CNTN4: variants seen among roughly 807,000 people sequenced by gnomAD.
CNTN4 encodes the protein contactin-4.
A neutral mutation model predicts 122.5 loss-of-function variants in CNTN4; 77 were observed. The observed-to-expected ratio is 0.63, with a 90% confidence interval of 0.52 to 0.76. CNTN4 has a LOEUF of 0.76. CNTN4 is among the 30% of genes least tolerant of loss of function. CNTN4 has a pLI of 0.00. For synonymous variants in CNTN4, 512 were observed against 447.0 expected (o/e 1.15, Z -1.83); for missense variants, 1,256 against 1,259.1 (o/e 1.00, Z 0.04).
At chr3:2,631,398 A>G (rs2082422200) in intron 4 of CNTN4, among the ~76,000 whole-genome samples, 1 of 152,152 alleles carries the variant, frequency 6.6e-6, no homozygotes, top group Admixed American at 6.5e-5. Context: ...AGAAGAAGAA[A>G]GCAAATTTGA....
At chr3:3,038,824 G>T in intron 18 of CNTN4, 109 bp from the exon 19 acceptor site, 1 of 799,708 alleles carries the variant, frequency 1.3e-6, no homozygotes, top group Non-Finnish European at 2.2e-6. Flanking sequence ...AGACAAAGGG[G>T]CGTGCCTCAG....
chr3:2,569,760 T>G (rs2079337703), intron 3 of CNTN4, among the ~76,000 whole-genome samples: 1 of 152,062 alleles, frequency 6.6e-6, no homozygotes, highest in Non-Finnish European at 1.5e-5. Context: ...TCCATAAATT[T>G]CTGGTTTATT....
chr3:2,758,615 G>A (rs1010237096), intron 6 of CNTN4, among the ~76,000 whole-genome samples: 14 of 142,526 alleles, frequency 9.8e-5, no homozygotes, highest in African/African-American at 3.1e-4. Flanking sequence ...CAAACTATTC[G>A]CCTACCTCAG....
chr3:3,009,673 T>C (rs1697024679), intron 14 of CNTN4, among the ~76,000 whole-genome samples: 1 of 152,132 alleles, frequency 6.6e-6, no homozygotes, highest in African/African-American at 2.4e-5. Flanking sequence ...GACCTCGTGA[T>C]CTGCCCTCCT....
intron 3 of CNTN4, among the ~76,000 whole-genome samples, chr3:2,504,254 C>G (rs768836765): frequency 6.6e-6 from 1 of 152,070 alleles, no homozygotes; most frequent in Non-Finnish European, 1.5e-5. Context: ...GACTGATTTC[C>G]AGGTTTATCC....
intron 4 of CNTN4, among the ~76,000 whole-genome samples, chr3:2,701,487 T>A (rs2086356702): frequency 6.6e-6 from 1 of 152,222 alleles, no homozygotes; most frequent in South Asian, 2.1e-4. Flanking sequence ...AAAGGGCGTT[T>A]GAGCTGCAAT....
intron 3 of CNTN4, among the ~76,000 whole-genome samples, chr3:2,531,477 A>G (rs2077592602): frequency 6.6e-6 from 1 of 152,194 alleles, no homozygotes; most frequent in South Asian, 2.1e-4. Context: ...GTGAGTCTTT[A>G]GGGATCCAAG....
chr3:2,352,448 T>A (rs1200373269), intron 3 of CNTN4, among the ~76,000 whole-genome samples: 4 of 152,052 alleles, frequency 2.6e-5, no homozygotes, highest in Non-Finnish European at 5.9e-5. Context: ...CAGCTGGAGT[T>A]CCGGGTAGGT....
At chr3:2,159,636 C>G (rs558019237) in intron 2 of CNTN4, among the ~76,000 whole-genome samples, 1 of 152,184 alleles carries the variant, frequency 6.6e-6, no homozygotes, top group African/African-American at 2.4e-5. Context: ...CACTGCTTTC[C>G]CTGAGGACTA....
At chr3:2,238,535 C>G (rs1479976459) in intron 2 of CNTN4, among the ~76,000 whole-genome samples, 1 of 151,620 alleles carries the variant, frequency 6.6e-6, no homozygotes, top group Non-Finnish European at 1.5e-5. Flanking sequence ...ATCTGAATTG[C>G]TAAATACAAT....
At chr3:2,817,400 T>C (rs919527924) in intron 6 of CNTN4, among the ~76,000 whole-genome samples, 1 of 152,230 alleles carries the variant, frequency 6.6e-6, no homozygotes, top group African/African-American at 2.4e-5. Flanking sequence ...CCATTTGCTG[T>C]ATAGGTAGGG....
At chr3:2,221,437 CA>C in intron 2 of CNTN4, among the ~76,000 whole-genome samples, 1 of 150,032 alleles carries the variant, frequency 6.7e-6, no homozygotes. Flanking sequence ...ATATAAGAGC[CA>C]AAACTCTGAG....
intron 13 of CNTN4, among the ~76,000 whole-genome samples, chr3:2,946,717 TTTTTG>T: frequency 6.7e-6 from 1 of 149,132 alleles, no homozygotes; most frequent in Non-Finnish European, 1.5e-5. Context: ...TTTTTTTTTT[TTTTTG>T]AGACAGAGTC....
intron 6 of CNTN4, among the ~76,000 whole-genome samples, chr3:2,811,399 C>G (rs933339432): frequency 7.7e-6 from 1 of 130,014 alleles, no homozygotes; most frequent in African/African-American, 3.0e-5. Flanking sequence ...TAGAGCAAGA[C>G]TCAGTGTCAA....
chr3:2,294,898 A>G lies in CNTN4; in HGVS notation c.-144-44280A>G, dbSNP rs531234252. On this transcript the variant is annotated intron_variant, in intron 2 of 24. Transcript: ENST00000418658. ...TGTGTCCACGTGTTCTCATTGTTCA[A>G]TTCCCACCTGTGAGTGAGAACATGC... Among the ~76,000 whole-genome samples the G allele has an allele frequency of 1.8e-3, 279 of 151,974 alleles. 2 individuals are homozygous for G. The highest frequency in any genetic ancestry group is 6.3e-3 in the African/African-American group (261 of 41,446).
At chr3:2,680,443 G>A (rs899008502) in intron 4 of CNTN4, among the ~76,000 whole-genome samples, 4 of 152,190 alleles carry the variant, frequency 2.6e-5, no homozygotes, top group African/African-American at 7.2e-5. Flanking sequence ...ATACAGTGAG[G>A]CAGGCTTTCT....
intron 3 of CNTN4, among the ~76,000 whole-genome samples, chr3:2,431,497 A>G (rs182230690): frequency 6.6e-6 from 1 of 152,318 alleles, no homozygotes; most frequent in African/African-American, 2.4e-5. Flanking sequence ...CAGTTTTGCA[A>G]AAGTGATGCA....
At chr3:2,778,498 G>A (rs2091439466) in intron 6 of CNTN4, among the ~76,000 whole-genome samples, 1 of 151,956 alleles carries the variant, frequency 6.6e-6, no homozygotes. Flanking sequence ...GTTTTTCTCT[G>A]TTTACAGCAT....
chr3:3,050,763 CAAAAAA>C (rs1184756504), intron 23 of CNTN4, among the ~76,000 whole-genome samples: 3 of 85,038 alleles, frequency 3.5e-5, no homozygotes, highest in East Asian at 4.0e-4. Flanking sequence ...AACTCCGTCT[CAAAAAA>C]AAAAAAAAAA....
Sources: allele counts gnomAD v4.1 joint callset (sites outside exome capture counted in the v4.1 genomes callset), GRCh38; gene constraint gnomAD v4.1.1; transcripts MANE v1.5; gene names NCBI Gene and HGNC (gene_info 2026-07-23, HGNC 2026-07-21).